Variants in TBL3 observed in about 807,000 individuals in gnomAD.
The protein encoded by TBL3 is transducin beta like 3, also known as transducin beta-like protein 3.
Under a neutral mutation model 102.7 loss-of-function variants are expected in TBL3, and 71 were observed. That is an observed-to-expected ratio of 0.69 (90% CI 0.57 to 0.84). TBL3 has a LOEUF of 0.84. Ranked by LOEUF, TBL3 falls within the 40% of genes least tolerant of loss-of-function variation. TBL3 has a pLI of 0.00. For missense variants in TBL3, 1,188 were observed against 1,098.5 expected, an observed-to-expected ratio of 1.08 and a Z score of -1.15; for synonymous variants, 578 against 477.7, an observed-to-expected ratio of 1.21 and a Z score of -2.74.
Position 1,979,465 on chromosome 16 carries a change from G to C in TBL3, c.*780G>C. The C allele has an allele frequency of 3.1e-6, 5 of 1,611,474 alleles. No homozygotes were observed. The South Asian group carries it at 5.5e-5, about 18-fold the overall frequency. On this transcript the variant is annotated 3_prime_UTR_variant, in exon 22 of 22. Coordinates refer to ENST00000568546, the MANE Select transcript of TBL3 (RefSeq NM_006453.3). Reference sequence around the variant, plus strand: ...CCGCGGTCTGACGTTTCCAACACGCGCACGCGCGCCCCCGCGGGCACGGAC... The same window carrying C: ...CCGCGGTCTGACGTTTCCAACACGCCCACGCGCGCCCCCGCGGGCACGGAC...
At position 1,979,041 on chromosome 16, in the gene TBL3, G is replaced by A; in HGVS notation, c.*356G>A. ...ATGGCGCGGTCCATCCCCTCATCGG[G>A]ATCCTCGCGCTCACTGCTCCGTCGT... On this transcript the variant is annotated 3_prime_UTR_variant, in exon 22 of 22. Coordinates refer to ENST00000568546, the MANE Select transcript of TBL3 (RefSeq NM_006453.3). 1.3e-6 allele frequency: 2 copies of A among 1,541,546 alleles called. No homozygotes were observed. Among genetic ancestry groups the A allele is most frequent in the Admixed American group, 2.0e-5 (1 of 50,514 alleles).
chr16:1,980,984 G>C lies in TBL3; in HGVS notation c.*2299G>C, dbSNP rs370763326. 13 of 1,613,096 alleles carry C rather than the reference G, an allele frequency of 8.1e-6. No homozygotes were observed. The highest frequency in any genetic ancestry group is 1.6e-4 in the Middle Eastern group (1 of 6,084). On this transcript the variant is annotated 3_prime_UTR_variant, in exon 22 of 22. Coordinates refer to ENST00000568546, the MANE Select transcript of TBL3 (RefSeq NM_006453.3). ...CCCAACTCCTGCGCACGAAGGTGTC[G>C]CTGCCGTCTGACCAGCGCACAGAGA...
intron 1 of TBL3, 27 bp downstream of exon 1, chr16:1,972,232 G>C (rs1003101357): frequency 2.2e-6 from 3 of 1,335,146 alleles, no homozygotes; most frequent in African/African-American, 3.1e-5. Flanking sequence ...GGGGCCGTGC[G>C]GGGAGGGAGC....
At position 1,978,835 on chromosome 16, in the gene TBL3, G is replaced by T. The variant is rs549703119; in HGVS notation, c.*150G>T. Reference sequence around the variant, plus strand: ...CAGCCAGAAGGGCACTGGAGCTGATGGTCTCGGCCCTGCCACGCCCATCCC... The same window carrying T: ...CAGCCAGAAGGGCACTGGAGCTGATTGTCTCGGCCCTGCCACGCCCATCCC... On this transcript the variant is annotated 3_prime_UTR_variant, in exon 22 of 22. Transcript: ENST00000568546. 3.2e-5 allele frequency: 39 copies of T among 1,210,882 alleles called. 1 individual carries two copies. In the East Asian group the frequency reaches 9.4e-4, roughly 29 times the overall value. 75.0% of individuals were successfully genotyped at this position (1,210,882 alleles called of 1,614,324 possible).
chr16:1,977,002 T>C, intron 14 of TBL3, 41 bp downstream of exon 14: 2 of 1,612,556 alleles, frequency 1.2e-6, no homozygotes, highest in South Asian at 2.2e-5. Context: ...GGCCAAGCCC[T>C]TGCTGGGGGA....
chr16:1,974,849 T>G lies in TBL3; in HGVS notation c.464+2T>G. 1 of 1,613,022 alleles carries G rather than the reference T, an allele frequency of 6.2e-7. No homozygotes were observed. Reference sequence around the variant, plus strand: ...CCGAGGCTCGCCCGGTGTCGTGCAGTGAGTTGGAAGGTGGAGGGGGAGGGC... The same window carrying G: ...CCGAGGCTCGCCCGGTGTCGTGCAGGGAGTTGGAAGGTGGAGGGGGAGGGC... On this transcript the variant is annotated splice_donor_variant, in intron 6 of 21. Transcript: ENST00000568546. LOFTEE classifies it high-confidence loss of function.
chr16:1,977,476 C>T (rs758295644), intron 16 of TBL3, 38 bp from the exon 17 acceptor site: 1 of 1,608,432 alleles, frequency 6.2e-7, no homozygotes, highest in South Asian at 1.1e-5. Flanking sequence ...GGCGGGGGGA[C>T]CTGCCTGACG....
chr16:1,979,480 C>T lies in TBL3; in HGVS notation c.*795C>T. 6.2e-7 allele frequency: 1 copy of T among 1,611,906 alleles called. No individual in the cohort carries two copies. Among genetic ancestry groups the T allele is most frequent in the Non-Finnish European group, 8.5e-7 (1 of 1,179,528 alleles). Reference sequence around the variant, plus strand: ...TCCAACACGCGCACGCGCGCCCCCGCGGGCACGGACAGCTCATCTGCGCGG... The same window carrying T: ...TCCAACACGCGCACGCGCGCCCCCGTGGGCACGGACAGCTCATCTGCGCGG... On this transcript the variant is annotated 3_prime_UTR_variant, in exon 22 of 22. Transcript: ENST00000568546.
At position 1,977,673 on chromosome 16, in the gene TBL3, T is replaced by C. The variant is rs944347718; in HGVS notation, c.1899+3T>C. On this transcript the variant is annotated splice_donor_region_variant and intron_variant, in intron 17 of 21. Transcript: ENST00000568546. ...ACTCCCGAGTCATCCTCTGGAAGGT[T>C]GTGGGCCCCAAGGGCAGGGAAGAGT... 3 of 1,551,698 alleles carry C rather than the reference T, an allele frequency of 1.9e-6. No individual in the cohort carries two copies. The highest frequency in any genetic ancestry group is 1.4e-5 in the African/African-American group (1 of 73,046).
In TBL3 at chr16:1,975,563, G is replaced by A. The variant is rs1381210433; in HGVS notation, c.840G>A (p.Gln280=). The change falls in exon 10 of 22, where the codon CAG becomes CAA. Residue 280 remains glutamine, a synonymous_variant. Transcript: ENST00000568546. ...TLRVWEAASG[Q]CVYTQAQPPG... ...GCGTGTGGGAGGCAGCTTCTGGGCA[G>A]TGTGTGTACACGCAGGCCCAGCCGC... 4 of 1,598,850 alleles carry A rather than the reference G, an allele frequency of 2.5e-6. No individual in the cohort carries two copies. The highest frequency in any genetic ancestry group is 3.4e-6 in the Non-Finnish European group (4 of 1,178,470).
rs1361249997 is a variant in TBL3 at position 1,976,237 on chromosome 16, G to A, written c.1215G>A (p.Met405Ile). The A allele has an allele frequency of 6.2e-7, 1 of 1,614,200 alleles. No individual in the cohort carries two copies. Among genetic ancestry groups the A allele is most frequent in the South Asian group, 1.1e-5 (1 of 91,080 alleles). The change falls in exon 13 of 22, where the codon ATG (methionine) becomes ATA (isoleucine). Residue 405 changes from methionine (M) to isoleucine (I), a missense_variant. Coordinates refer to ENST00000568546, the MANE Select transcript of TBL3 (RefSeq NM_006453.3). ...AKDQSVRIWR[M>I]NKAGQVMCVA... ...ATCAGAGCGTCCGTATCTGGAGAAT[G>A]AACAAGGCTGGCCAGGTGATGTGCG...
Position 1,978,556 on chromosome 16 carries a change from G to A in TBL3, c.2298G>A (p.Arg766=), listed in dbSNP as rs768763568. Residue 766 remains arginine, a synonymous_variant, in exon 22 of 22, where the codon CGG becomes CGA. Transcript: ENST00000568546. Reference sequence around the variant, plus strand: ...CCTCCCTCTGTCCAACCCCAGAGCGGCACTTTCAGCGGCTCAGCAGGACCC... The same window carrying A: ...CCTCCCTCTGTCCAACCCCAGAGCGACACTTTCAGCGGCTCAGCAGGACCC... ...ALEALLPYTE[R]HFQRLSRTLQ... 7.5e-6 allele frequency: 12 copies of A among 1,606,132 alleles called. No homozygotes were observed. In the Middle Eastern group the frequency reaches 8.3e-4, roughly 111 times the overall value.
At position 1,979,876 on chromosome 16, in the gene TBL3, C is replaced by G. The variant is rs752793736; in HGVS notation, c.*1191C>G. The G allele has an allele frequency of 2.3e-5, 37 of 1,582,074 alleles. No homozygotes were observed. The highest frequency in any genetic ancestry group is 2.8e-5 in the Non-Finnish European group (33 of 1,165,320). Reference sequence around the variant, plus strand: ...GGGCGCTGGAAACCAGGCGGTCTGCCGGTCTTCGTTCTCCACCAGCCACCA... The same window carrying G: ...GGGCGCTGGAAACCAGGCGGTCTGCGGGTCTTCGTTCTCCACCAGCCACCA... On this transcript the variant is annotated 3_prime_UTR_variant, in exon 22 of 22. Transcript: ENST00000568546.
intron 8 of TBL3, 26 bp downstream of exon 8, chr16:1,975,288 G>A (rs2083391830): frequency 6.2e-7 from 1 of 1,613,980 alleles, no homozygotes; most frequent in Non-Finnish European, 8.5e-7. Context: ...GGCCAGGGCT[G>A]GTTGAGTTGG....
rs1464632649 is a variant in TBL3, at chr16:1,974,955, A to C, written c.492A>C (p.Thr164=). 2.5e-6 allele frequency: 4 copies of C among 1,610,444 alleles called. No individual in the cohort carries two copies. The highest frequency in any genetic ancestry group is 3.4e-6 in the Non-Finnish European group (4 of 1,179,948). ...VHLVAFHPDP[T]RLLLFSSATD... ...TAGTGGCCTTCCACCCGGACCCTAC[A>C]CGCCTGCTGCTCTTCTCCTCGGCCA... Residue 164 remains threonine (T), a synonymous_variant, in exon 7 of 22, where the codon ACA becomes ACC. Transcript: ENST00000568546.
chr16:1,978,717 C>G lies in TBL3; in HGVS notation c.*32C>G. On this transcript the variant is annotated 3_prime_UTR_variant, in exon 22 of 22. Coordinates refer to ENST00000568546, the MANE Select transcript of TBL3 (RefSeq NM_006453.3). ...CGGCCTCTCTCCAGTCCATCCTGAA[C>G]CCCTGGAAAACCCATAAAGGCCGCT... is the stretch of plus-strand genomic sequence containing the variant. The G allele has an allele frequency of 6.3e-7, 1 of 1,590,800 alleles. No homozygotes were observed. The highest frequency in any genetic ancestry group is 2.3e-5 in the East Asian group (1 of 44,288).
chr16:1,975,881 C>G lies in TBL3; in HGVS notation c.1061C>G (p.Ser354Cys). The change falls in exon 11 of 22, where the codon TCC becomes TGC. Residue 354 changes from serine (S) to cysteine (C), a missense_variant. Ser to Cys is a moderately radical substitution (Grantham distance 112, BLOSUM62 -1). Coordinates refer to ENST00000568546, the MANE Select transcript of TBL3 (RefSeq NM_006453.3). ...GAGGACTCCCACGTTGTCGTGGCCT[C>G]CAATAGCCCCTGCCTAAAAGTGTTT... is the stretch of plus-strand genomic sequence containing the variant. ...GPEDSHVVVA[S>C]NSPCLKVFEL... is the part of the protein sequence containing the mutation. 2 of 1,614,152 alleles carry G rather than the reference C, an allele frequency of 1.2e-6. No individual in the cohort carries two copies. The highest frequency in any genetic ancestry group is 1.7e-6 in the Non-Finnish European group (2 of 1,180,040).
chr16:1,975,310 G>C (rs200048540), intron 8 of TBL3, 35 bp from the exon 9 acceptor site: 8 of 1,613,930 alleles, frequency 5.0e-6, no homozygotes, highest in Middle Eastern at 1.7e-4. Flanking sequence ...TGGGGAGGGG[G>C]CATGATAGCA....
At position 1,978,734 on chromosome 16, in the gene TBL3, A is replaced by C. The variant is rs541734513; in HGVS notation, c.*49A>C. ...ATCCTGAACCCCTGGAAAACCCATA[A>C]AGGCCGCTCTCCTGGCCGGCTCTGT... is the stretch of plus-strand genomic sequence containing the variant. On this transcript the variant is annotated 3_prime_UTR_variant, in exon 22 of 22. Transcript: ENST00000568546. 16 of 1,579,708 alleles carry C rather than the reference A, an allele frequency of 1.0e-5. No individual in the cohort carries two copies. In the African/African-American group the frequency reaches 2.0e-4, roughly 20 times the overall value.
Sources: allele counts gnomAD v4.1 joint callset, GRCh38; gene constraint gnomAD v4.1.1; transcripts MANE v1.5; gene names NCBI Gene and HGNC (gene_info 2026-07-23, HGNC 2026-07-21).